NAXD: variants seen among roughly 807,000 people sequenced by gnomAD.
NAXD encodes NAD(P)HX dehydratase.
In NAXD, 22 loss-of-function variants were observed where a neutral mutation model predicts 35.8. The observed-to-expected ratio is 0.62, with a 90% CI of 0.44 to 0.88. The LOEUF (loss-of-function observed/expected upper bound fraction) is 0.88, where lower values mean the gene tolerates loss of function less well. Ranked by LOEUF, NAXD falls within the 40% of genes least tolerant of loss-of-function variation. The probability of loss-of-function intolerance (pLI) is 0.00; values close to 1 mark genes in which losing one functional copy is unlikely to be tolerated. For synonymous variants in NAXD, 189 were observed against 177.6 expected (o/e 1.06, Z -0.51); for missense variants, 428 against 437.7 (o/e 0.98, Z 0.20).
chr13:110,622,254 A>C lies in NAXD; in HGVS notation c.85A>C (p.Ile29Leu). 1 of 1,614,104 alleles carries C rather than the reference A, an allele frequency of 6.2e-7. No individual in the cohort carries two copies. Among genetic ancestry groups the C allele is most frequent in the Non-Finnish European group, 8.5e-7 (1 of 1,179,972 alleles). ...GTTTTCGCTACGTAAAGCACATTCG[A>C]TAAAGGATATGGAAAATACTTTGCA... ...RAFSLRKAHS[I>L]KDMENTLQLV... is the part of the protein sequence containing the mutation. Residue 29 changes from isoleucine to leucine, a missense_variant, in exon 2 of 10, where the codon ATA becomes CTA. Physicochemically the swap from Ile to Leu is conservative, Grantham distance 5 (BLOSUM62 2). Transcript: ENST00000680254.
chr13:110,629,993 G>A (rs1020947356), intron 5 of NAXD, among the ~76,000 whole-genome samples: 2 of 152,166 alleles, frequency 1.3e-5, no homozygotes, highest in Non-Finnish European at 2.9e-5. Context: ...ATCTTTGCAT[G>A]TGCTCATTGG....
chr13:110,627,850 CAG>C (rs1337841660), intron 5 of NAXD, among the ~76,000 whole-genome samples: 2 of 152,112 alleles, frequency 1.3e-5, no homozygotes, highest in Non-Finnish European at 2.9e-5. Flanking sequence ...GAGGAGGTGA[CAG>C]AGGTTTGGGG....
chr13:110,622,677 T>G (rs1355608323), intron 2 of NAXD, among the ~76,000 whole-genome samples: 2 of 152,184 alleles, frequency 1.3e-5, no homozygotes, highest in African/African-American at 4.8e-5. Flanking sequence ...TTTTTTGTAT[T>G]TAGGATAGAA....
At chr13:110,621,293 A>C (rs1466946153) in intron 1 of NAXD, among the ~76,000 whole-genome samples, 1 of 152,276 alleles carries the variant, frequency 6.6e-6, no homozygotes, top group Non-Finnish European at 1.5e-5. Context: ...ATTGAAATGA[A>C]GTGATAGTTT....
chr13:110,627,320 T>C (rs1241050045), intron 4 of NAXD, 119 bp from the exon 5 acceptor site: 1 of 679,854 alleles, frequency 1.5e-6, no homozygotes, highest in East Asian at 2.7e-5. Flanking sequence ...TTACAGAAAT[T>C]ATTTAAAAGT....
intron 2 of NAXD, among the ~76,000 whole-genome samples, chr13:110,623,560 C>G (rs541158364): frequency 5.3e-5 from 8 of 152,378 alleles, no homozygotes; most frequent in African/African-American, 1.9e-4. Flanking sequence ...CCATGCCCGA[C>G]TGCTCCGAAC....
intron 1 of NAXD, among the ~76,000 whole-genome samples, chr13:110,616,864 G>T (rs1365183137): frequency 6.6e-6 from 1 of 152,178 alleles, no homozygotes; most frequent in Non-Finnish European, 1.5e-5. Context: ...ATTTTACCTT[G>T]TGTGTATGTT....
chr13:110,620,642 A>T (rs1313030174), intron 1 of NAXD, among the ~76,000 whole-genome samples: 1 of 152,014 alleles, frequency 6.6e-6, no homozygotes, highest in Non-Finnish European at 1.5e-5. Context: ...ATCTTGGGGA[A>T]TCCCAGCATC....
intron 7 of NAXD, 92 bp from the exon 8 acceptor site, chr13:110,635,376 G>A (rs1886882978): frequency 2.1e-6 from 3 of 1,452,046 alleles, no homozygotes; most frequent in South Asian, 1.2e-5. Flanking sequence ...AGACACGAGA[G>A]CATGAGTCTC....
At chr13:110,625,353 G>A (rs1008903279) in intron 4 of NAXD, 75 bp downstream of exon 4, 5 of 960,992 alleles carry the variant, frequency 5.2e-6, no homozygotes, top group South Asian at 1.3e-5. Context: ...CACTGACACC[G>A]AAAGCGTCCT....
chr13:110,638,753 C>G lies in NAXD; in HGVS notation c.*225C>G. ...TTATGGCGACACTAAACAAAGTATTCCTGAACTTTCCTTAGCTCCTTGGTA... is the reference window on the plus strand; with the variant it reads ...TTATGGCGACACTAAACAAAGTATTGCTGAACTTTCCTTAGCTCCTTGGTA... On this transcript the variant is annotated 3_prime_UTR_variant, in exon 10 of 10. Coordinates refer to ENST00000680254, the MANE Select transcript of NAXD (RefSeq NM_001242882.2). This position sits in a 1 kb window ranked among gnomAD's most constrained non-coding sequence, Gnocchi z 5.4. 1.4e-6 allele frequency: 1 copy of G among 692,476 alleles called. No homozygotes were observed. Among genetic ancestry groups the G allele is most frequent in the Non-Finnish European group, 2.6e-6 (1 of 379,628 alleles). 42.9% of individuals were successfully genotyped at this position (692,476 alleles called of 1,614,324 possible).
intron 1 of NAXD, among the ~76,000 whole-genome samples, chr13:110,617,621 T>C (rs1736771538): frequency 6.6e-6 from 1 of 152,242 alleles, no homozygotes; most frequent in Non-Finnish European, 1.5e-5. Context: ...TTACTTTGTG[T>C]TAATACAATT....
At chr13:110,621,261 G>T (rs1010725706) in intron 1 of NAXD, among the ~76,000 whole-genome samples, 2 of 152,188 alleles carry the variant, frequency 1.3e-5, no homozygotes, top group Admixed American at 1.3e-4. Flanking sequence ...GGAGAGAAAA[G>T]ACCTAATAAT....
chr13:110,633,636 G>T (rs1161428235), intron 5 of NAXD, among the ~76,000 whole-genome samples: 1 of 152,158 alleles, frequency 6.6e-6, no homozygotes, highest in Non-Finnish European at 1.5e-5. Context: ...GTATTATCAG[G>T]TGTCTGTCAA....
chr13:110,636,999 G>A, intron 8 of NAXD, 130 bp from the exon 9 acceptor site: 1 of 1,032,706 alleles, frequency 9.7e-7, no homozygotes, highest in Non-Finnish European at 1.4e-6. Context: ...CAGGCAGGAT[G>A]TGAGTGGAGC....
chr13:110,620,306 G>A (rs1229822511), intron 1 of NAXD, among the ~76,000 whole-genome samples: 2 of 151,932 alleles, frequency 1.3e-5, no homozygotes. Context: ...GTTGGGCTGA[G>A]CGCGGTGGCT....
In NAXD at chr13:110,638,113, C is replaced by T. The variant is rs1887002964; in HGVS notation, c.840-265C>T. The T allele has an allele frequency of 1.1e-6, 1 of 933,390 alleles. No individual in the cohort carries two copies. Among genetic ancestry groups the T allele is most frequent in the Non-Finnish European group, 1.6e-6 (1 of 606,080 alleles). The allele number at this position is 933,390 out of a possible 1,614,324, so 57.8% of individuals were successfully genotyped here. On this transcript the variant is annotated intron_variant, in intron 9 of 9. Coordinates refer to ENST00000680254, the MANE Select transcript of NAXD (RefSeq NM_001242882.2). The surrounding 1 kb of genome is among the most constrained non-coding windows in gnomAD (Gnocchi z 5.4). ...TGCCGCCTGGCTTTCCCCGGGAACA[C>T]CTGGCCCACTGTGTGCCCTAGCCCT...
At chr13:110,635,413 C>G in intron 7 of NAXD, 55 bp from the exon 8 acceptor site, 4 of 1,591,516 alleles carry the variant, frequency 2.5e-6, no homozygotes, top group Non-Finnish European at 3.4e-6. Flanking sequence ...GGCTATCTGT[C>G]GTCGTGTGTC....
chr13:110,620,684 C>T (rs1288085706), intron 1 of NAXD, among the ~76,000 whole-genome samples: 1 of 151,936 alleles, frequency 6.6e-6, no homozygotes, highest in Non-Finnish European at 1.5e-5. Context: ...TACATCTACT[C>T]ATAAAGAAAA....
Sources: allele counts gnomAD v4.1 joint callset (sites outside exome capture counted in the v4.1 genomes callset), GRCh38; gene constraint gnomAD v4.1.1; non-coding constraint Gnocchi (gnomAD v3.1); transcripts MANE v1.5; gene names NCBI Gene and HGNC (gene_info 2026-07-23, HGNC 2026-07-21).